GIMAP5: variants seen among roughly 807,000 people sequenced by gnomAD.
GIMAP5 encodes GTPase, IMAP family member 5, also known as GTPase IMAP family member 5.
GIMAP5 carries 8 observed loss-of-function variants against 9.9 expected under a neutral mutation model. The observed-to-expected ratio is 0.81, with a 90% CI of 0.47 to 1.45. The LOEUF (loss-of-function observed/expected upper bound fraction) is 1.45, where lower values mean the gene tolerates loss of function less well. Ranked by LOEUF, GIMAP5 falls within the 40% of genes most tolerant of loss-of-function variation. The pLI, the probability that GIMAP5 is intolerant of heterozygous loss-of-function variation, is 0.00. For synonymous variants in GIMAP5, 174 were observed against 151.4 expected, an observed-to-expected ratio of 1.15 and a Z score of -1.09; for missense variants, 353 against 367.4, an observed-to-expected ratio of 0.96 and a Z score of 0.32.
In GIMAP5 at chr7:150,742,470, C is replaced by T. The variant is rs767730558; in HGVS notation, c.331C>T (p.Pro111Ser). ...GDCYLLSAPG[P>S]HVLLLVIQLG... ...CTGCTACCTGCTCTCTGCCCCGGGGCCCCACGTCCTGCTTCTGGTGATCCA... is the reference window on the plus strand; with the variant it reads ...CTGCTACCTGCTCTCTGCCCCGGGGTCCCACGTCCTGCTTCTGGTGATCCA... The change falls in exon 3 of 3, where the codon CCC becomes TCC. Residue 111 changes from proline to serine, a missense_variant. Physicochemically the swap from Pro to Ser is moderately conservative, Grantham distance 74. Coordinates refer to ENST00000358647, the MANE Select transcript of GIMAP5 (RefSeq NM_018384.5). 6.8e-6 allele frequency: 11 copies of T among 1,614,074 alleles called. No homozygotes were observed. Among genetic ancestry groups the T allele is most frequent in the Non-Finnish European group, 9.3e-6 (11 of 1,180,040 alleles).
chr7:150,740,999 C>T, intron 2 of GIMAP5, 72 bp downstream of exon 2: 1 of 1,535,482 alleles, frequency 6.5e-7, no homozygotes, highest in East Asian at 2.3e-5. Context: ...CATCTACCCC[C>T]ATCTAAAACA....
chr7:150,743,551 T>A lies in GIMAP5; in HGVS notation c.*488T>A, dbSNP rs1485699457. ...CCCTATCTCCGCATTTCCAGTTGTA[T>A]TAGCCAATAGATTTCCTACTTATTT... On this transcript the variant is annotated 3_prime_UTR_variant, in exon 3 of 3. Transcript: ENST00000358647. 1 of 155,716 alleles carries A rather than the reference T, an allele frequency of 6.4e-6. No individual in the cohort carries two copies. The highest frequency in any genetic ancestry group is 1.4e-5 in the Non-Finnish European group (1 of 70,356). The allele number at this position is 155,716 out of a possible 1,614,324, so 9.6% of individuals were successfully genotyped here.
Position 150,742,714 on chromosome 7 carries a change from C to G in GIMAP5, c.575C>G (p.Ser192Cys), listed in dbSNP as rs749408342. The G allele has an allele frequency of 3.7e-6, 6 of 1,614,198 alleles. No individual in the cohort carries two copies. The South Asian group carries it at 6.6e-5, about 18-fold the overall frequency. ...RRYCAFNNWG[S>C]VEEQRQQQAE... ...TACTGTGCCTTCAACAACTGGGGCT[C>G]TGTGGAGGAGCAGAGGCAGCAGCAG... The change falls in exon 3 of 3, where the codon TCT becomes TGT. Residue 192 changes from serine to cysteine, a missense_variant. By Grantham distance (112) the Ser-to-Cys change is moderately radical (BLOSUM62 -1). Transcript: ENST00000358647.
In GIMAP5 at chr7:150,742,655, C is replaced by T. The variant is rs1797618326; in HGVS notation, c.516C>T (p.Ser172=). The change falls in exon 3 of 3, where the codon AGC becomes AGT. Residue 172 remains serine (S), a synonymous_variant. Transcript: ENST00000358647. ...DDYVANTDNC[S]LKDLVRECER... is the part of the protein sequence containing the mutation. Reference sequence around the variant, plus strand: ...ATGTAGCAAACACGGACAACTGCAGCCTGAAAGACCTGGTGCGGGAGTGTG... The same window carrying T: ...ATGTAGCAAACACGGACAACTGCAGTCTGAAAGACCTGGTGCGGGAGTGTG... 6.2e-7 allele frequency: 1 copy of T among 1,614,078 alleles called. No homozygotes were observed. Among genetic ancestry groups the T allele is most frequent in the Non-Finnish European group, 8.5e-7 (1 of 1,180,038 alleles).
intron 2 of GIMAP5, among the ~76,000 whole-genome samples, chr7:150,741,704 G>A (rs758427720): frequency 5.3e-5 from 8 of 152,192 alleles, no homozygotes; most frequent in Non-Finnish European, 5.9e-5. Context: ...CTATAGATTT[G>A]CCAGTGGAGA....
rs773424993 is a variant in GIMAP5 at position 150,742,787 on chromosome 7, C to T, written c.648C>T (p.Gly216=). 6.2e-7 allele frequency: 1 copy of T among 1,614,114 alleles called. No homozygotes were observed. The highest frequency in any genetic ancestry group is 8.5e-7 in the Non-Finnish European group (1 of 1,180,014). ...AGAGGCTGGGGAGGGAGCGAGAGGGCTCCTTCCACAGCAATGACCTCTTCT... is the reference window on the plus strand; with the variant it reads ...AGAGGCTGGGGAGGGAGCGAGAGGGTTCCTTCCACAGCAATGACCTCTTCT... ...VIERLGRERE[G]SFHSNDLFLD... is the part of the protein sequence containing the mutation. The change falls in exon 3 of 3, where the codon GGC becomes GGT. Residue 216 remains glycine (G), a synonymous_variant. Transcript: ENST00000358647.
chr7:150,741,488 T>G (rs183718028), intron 2 of GIMAP5, among the ~76,000 whole-genome samples: 1 of 152,202 alleles, frequency 6.6e-6, no homozygotes, highest in Admixed American at 6.5e-5. Context: ...TTTGTGTGCT[T>G]CAATCAGCCA....
chr7:150,739,111 A>T (rs1797558659), intron 1 of GIMAP5: 1 of 152,248 alleles, frequency 6.6e-6, no homozygotes, highest in African/African-American at 2.4e-5. Flanking sequence ...ACCTTTTATA[A>T]GAAATGCACT....
chr7:150,742,461 G>T lies in GIMAP5; in HGVS notation c.322G>T (p.Ala108Ser). ...KNIGDCYLLS[A>S]PGPHVLLLVI... ...CATCGGGGACTGCTACCTGCTCTCT[G>T]CCCCGGGGCCCCACGTCCTGCTTCT... Residue 108 changes from alanine to serine, a missense_variant, in exon 3 of 3, where the codon GCC (alanine) becomes TCC (serine). Coordinates refer to ENST00000358647, the MANE Select transcript of GIMAP5 (RefSeq NM_018384.5). 1 of 1,614,186 alleles carries T rather than the reference G, an allele frequency of 6.2e-7. No homozygotes were observed. Among genetic ancestry groups the T allele is most frequent in the Non-Finnish European group, 8.5e-7 (1 of 1,180,036 alleles).
chr7:150,743,156 G>A lies in GIMAP5; in HGVS notation c.*93G>A, dbSNP rs934819874. 2.8e-6 allele frequency: 4 copies of A among 1,451,928 alleles called. No homozygotes were observed. Among genetic ancestry groups the A allele is most frequent in the South Asian group, 2.8e-5 (2 of 72,542 alleles). 89.9% of individuals were successfully genotyped at this position (1,451,928 alleles called of 1,614,324 possible). ...CAGACTCAGATCCTCGTGGTCTATG[G>A]AGCATGCTGCTTGCTGTCTGTGCAG... On this transcript the variant is annotated 3_prime_UTR_variant, in exon 3 of 3. Coordinates refer to ENST00000358647, the MANE Select transcript of GIMAP5 (RefSeq NM_018384.5).
At position 150,743,590 on chromosome 7, in the gene GIMAP5, T is replaced by C. The variant is rs146638226; in HGVS notation, c.*527T>C. ...TCCTACTTATTTAAGCTATTTGAGCTCCGGGTCTCTTCTACCTGCATTCTA... is the reference window on the plus strand; with the variant it reads ...TCCTACTTATTTAAGCTATTTGAGCCCCGGGTCTCTTCTACCTGCATTCTA... On this transcript the variant is annotated 3_prime_UTR_variant, in exon 3 of 3. Coordinates refer to ENST00000358647, the MANE Select transcript of GIMAP5 (RefSeq NM_018384.5). 2.5e-3 allele frequency: 382 copies of C among 153,414 alleles called. 2 individuals are homozygous for C. Among genetic ancestry groups the C allele is most frequent in the African/African-American group, 8.5e-3 (354 of 41,592 alleles). The allele number at this position is 153,414 out of a possible 1,614,324, so 9.5% of individuals were successfully genotyped here. A position where few individuals can be genotyped will look rare whatever the true frequency, so the allele number is the denominator to read the frequency against.
chr7:150,742,302 T>C lies in GIMAP5; in HGVS notation c.163T>C (p.Ser55Pro). The C allele has an allele frequency of 6.2e-7, 1 of 1,613,912 alleles. No individual in the cohort carries two copies. The highest frequency in any genetic ancestry group is 8.5e-7 in the Non-Finnish European group (1 of 1,179,952). Residue 55 changes from serine (S) to proline (P), a missense_variant, in exon 3 of 3, where the codon TCC becomes CCC. Physicochemically the swap from Ser to Pro is moderately conservative, Grantham distance 74. Transcript: ENST00000358647. ...CATCCTTGGCCAGCCCGTGTTTGAG[T>C]CCAAGCTGAGGGCCCAGTCAGTGAC... ...NSILGQPVFE[S>P]KLRAQSVTRT...
At position 150,740,494 on chromosome 7, in the gene GIMAP5, C is replaced by G. The variant is rs78124458; in HGVS notation, c.-6-385C>G. The G allele has an allele frequency of 8.8e-4, 144 of 162,772 alleles. 4 individuals carry two copies. The South Asian group carries it at 0.024, about 27-fold the overall frequency. 10.1% of individuals were successfully genotyped at this position (162,772 alleles called of 1,614,324 possible). ...ATTTACAGCAAGGCAATTTTTTTTT[C>G]TCTATTCTGGTAAGTTTGTTACTTT... is the stretch of plus-strand genomic sequence containing the variant. On this transcript the variant is annotated intron_variant, in intron 1 of 2. Transcript: ENST00000358647.
At chr7:150,737,794 C>A (rs984428078) in intron 1 of GIMAP5, 86 bp downstream of exon 1, 31 of 1,094,628 alleles carry the variant, frequency 2.8e-5, no homozygotes, top group Non-Finnish European at 3.7e-5. Context: ...TCTGACATGA[C>A]CTTGCACAGA....
intron 1 of GIMAP5, 31 bp from the exon 2 acceptor site, chr7:150,740,848 G>C (rs747470041): frequency 1.2e-6 from 2 of 1,613,178 alleles, no homozygotes. Context: ...ACGTACATCT[G>C]CTTTTTATCC....
chr7:150,742,796 C>G lies in GIMAP5; in HGVS notation c.657C>G (p.His219Gln). The G allele has an allele frequency of 6.2e-7, 1 of 1,614,164 alleles. No homozygotes were observed. The highest frequency in any genetic ancestry group is 8.5e-7 in the Non-Finnish European group (1 of 1,180,028). Residue 219 changes from histidine to glutamine, a missense_variant, in exon 3 of 3, where the codon CAC (histidine) becomes CAG (glutamine). Physicochemically the swap from His to Gln is conservative, Grantham distance 24. Transcript: ENST00000358647. ...RLGREREGSFHSNDLFLDAQL... is the reference protein window; with the variant it reads ...RLGREREGSFQSNDLFLDAQL... The stretch of plus-strand genomic sequence containing the variant: ...GGAGGGAGCGAGAGGGCTCCTTCCA[C>G]AGCAATGACCTCTTCTTGGATGCCC...
chr7:150,742,292 C>A lies in GIMAP5; in HGVS notation c.153C>A (p.Pro51=). ...CAGGGAACAGCATCCTTGGCCAGCC[C>A]GTGTTTGAGTCCAAGCTGAGGGCCC... is the stretch of plus-strand genomic sequence containing the variant. The part of the protein sequence containing the change: ...SATGNSILGQ[P]VFESKLRAQS... Residue 51 remains proline, a synonymous_variant, in exon 3 of 3, where the codon CCC becomes CCA. Transcript: ENST00000358647. 1.9e-6 allele frequency: 3 copies of A among 1,614,166 alleles called. No homozygotes were observed. The highest frequency in any genetic ancestry group is 2.5e-6 in the Non-Finnish European group (3 of 1,180,024).
At chr7:150,737,795 C>T in intron 1 of GIMAP5, 87 bp downstream of exon 1, 2 of 1,082,710 alleles carry the variant, frequency 1.8e-6, no homozygotes, top group South Asian at 2.9e-5. Flanking sequence ...CTGACATGAC[C>T]TTGCACAGAT....
At chr7:150,737,961 C>A in intron 1 of GIMAP5, 1 of 546,432 alleles carries the variant, frequency 1.8e-6, no homozygotes, top group Non-Finnish European at 3.3e-6. Flanking sequence ...GCCCCATTGC[C>A]CATTACTTAG....
Sources: allele counts gnomAD v4.1 joint callset (sites outside exome capture counted in the v4.1 genomes callset), GRCh38; gene constraint gnomAD v4.1.1; transcripts MANE v1.5; gene names NCBI Gene and HGNC (gene_info 2026-07-23, HGNC 2026-07-21).